Variants in SDK1 observed in about 807,000 individuals in gnomAD.
The protein encoded by SDK1 is sidekick cell adhesion molecule 1, also known as protein sidekick-1.
SDK1 carries 157 observed loss-of-function variants against 245.5 expected under a neutral mutation model. The observed-to-expected ratio is 0.64, with a 90% CI of 0.56 to 0.73. The LOEUF is 0.73. Among genes scored for constraint, SDK1 ranks in the 30% least tolerant of loss-of-function variants. SDK1 has a pLI of 0.00. For synonymous variants in SDK1, 1,647 were observed against 1,278.5 expected, an observed-to-expected ratio of 1.29 and a Z score of -6.15; for missense variants, 3,583 against 3,002.3, an observed-to-expected ratio of 1.19 and a Z score of -4.52.
intron 1 of SDK1, among the ~76,000 whole-genome samples, chr7:3,434,166 T>C (rs983340821): frequency 9.2e-5 from 14 of 152,230 alleles, no homozygotes; most frequent in South Asian, 2.1e-4. Flanking sequence ...TTTTTTCCTC[T>C]CTTTTTGAAG....
At chr7:3,624,332 T>A (rs1420035960) in intron 2 of SDK1, among the ~76,000 whole-genome samples, 1 of 152,150 alleles carries the variant, frequency 6.6e-6, no homozygotes, top group Non-Finnish European at 1.5e-5. Flanking sequence ...CTCAAGTAGC[T>A]GGGACCATGG....
intron 4 of SDK1, among the ~76,000 whole-genome samples, chr7:3,645,307 G>T (rs568686531): frequency 6.6e-6 from 1 of 152,122 alleles, no homozygotes; most frequent in African/African-American, 2.4e-5. Flanking sequence ...GGAAAATAAT[G>T]CAGTATACCA....
intron 1 of SDK1, among the ~76,000 whole-genome samples, chr7:3,471,660 A>G (rs189119659): frequency 3.3e-5 from 5 of 152,328 alleles, no homozygotes; most frequent in Admixed American, 1.3e-4. Context: ...CTTCAGATCC[A>G]TAGGCCAGCT....
intron 25 of SDK1, among the ~76,000 whole-genome samples, chr7:4,118,571 C>A (rs1351001275): frequency 6.6e-6 from 1 of 152,184 alleles, no homozygotes; most frequent in African/African-American, 2.4e-5. Context: ...CAACTCTACT[C>A]CTAGGTATGT....
Position 4,072,884 on chromosome 7 carries a change from G to A in SDK1, c.3011-4114G>A, listed in dbSNP as rs556707355. Among the ~76,000 whole-genome samples, 6 of 152,356 alleles carry A rather than the reference G, an allele frequency of 3.9e-5. No homozygotes were observed. In the South Asian group the frequency reaches 6.2e-4, roughly 16 times the overall value. ...GAGGCCTGGAATGAGAGGGAAGCACGGAGTAGGGGGCGGCTGCGCCTGCCC... is the reference window on the plus strand; with the variant it reads ...GAGGCCTGGAATGAGAGGGAAGCACAGAGTAGGGGGCGGCTGCGCCTGCCC... On this transcript the variant is annotated intron_variant, in intron 20 of 44. Transcript: ENST00000404826.
intron 33 of SDK1, among the ~76,000 whole-genome samples, chr7:4,174,843 A>G (rs1026801847): frequency 1.3e-5 from 2 of 152,074 alleles, no homozygotes; most frequent in African/African-American, 2.4e-5. Flanking sequence ...AGCTGCCTTC[A>G]AGACAGCTTC....
chr7:3,451,046 AG>A (rs1780497194), intron 1 of SDK1, among the ~76,000 whole-genome samples: 1 of 152,168 alleles, frequency 6.6e-6, no homozygotes, highest in African/African-American at 2.4e-5. Flanking sequence ...AGAGGTCATC[AG>A]TGGCTCAGGC....
chr7:3,575,966 G>T lies in SDK1; in HGVS notation c.299-43114G>T, dbSNP rs561372271. On this transcript the variant is annotated intron_variant, in intron 1 of 44. Transcript: ENST00000404826. ...CTTCCCCATGTGAGCCAGGTCACCAGTGATTGAATGGGCTTTCTGCTCTTG... is the reference window on the plus strand; with the variant it reads ...CTTCCCCATGTGAGCCAGGTCACCATTGATTGAATGGGCTTTCTGCTCTTG... Among the ~76,000 whole-genome samples, 8 of 152,138 alleles carry T rather than the reference G, an allele frequency of 5.3e-5. No individual in the cohort carries two copies. In the South Asian group the frequency reaches 1.7e-3, roughly 32 times the overall value.
chr7:4,033,188 G>A (rs568216493), intron 17 of SDK1, among the ~76,000 whole-genome samples: 24 of 152,138 alleles, frequency 1.6e-4, no homozygotes, highest in African/African-American at 5.5e-4. Flanking sequence ...TATAATAAAA[G>A]GACATCTTGA....
intron 38 of SDK1, among the ~76,000 whole-genome samples, chr7:4,214,049 A>C (rs941110902): frequency 2.0e-5 from 3 of 152,162 alleles, no homozygotes; most frequent in African/African-American, 7.2e-5. Context: ...TTGTGGCTGC[A>C]GCTTTTCTTC....
intron 5 of SDK1, among the ~76,000 whole-genome samples, chr7:3,938,901 C>A (rs1230262871): frequency 1.3e-5 from 2 of 152,152 alleles, no homozygotes; most frequent in Non-Finnish European, 2.9e-5. Flanking sequence ...TCTTTGTTAC[C>A]TTCCATTCAT....
intron 1 of SDK1, among the ~76,000 whole-genome samples, chr7:3,584,264 A>G (rs1780610675): frequency 6.6e-6 from 1 of 152,220 alleles, no homozygotes; most frequent in Middle Eastern, 3.4e-3. Context: ...GTATTTGACC[A>G]TGAGATCTAT....
chr7:3,422,730 C>G (rs896979107), intron 1 of SDK1, among the ~76,000 whole-genome samples: 1 of 152,106 alleles, frequency 6.6e-6, no homozygotes, highest in Non-Finnish European at 1.5e-5. Flanking sequence ...AGGAGTTGGG[C>G]TGGCGATAAA....
intron 4 of SDK1, among the ~76,000 whole-genome samples, chr7:3,804,043 C>A (rs2115038618): frequency 6.6e-6 from 1 of 152,326 alleles, no homozygotes. Context: ...GGATTACAGG[C>A]ATGAGCCACC....
intron 4 of SDK1, among the ~76,000 whole-genome samples, chr7:3,782,984 C>T (rs1419486367): frequency 1.3e-5 from 2 of 152,224 alleles, no homozygotes; most frequent in Admixed American, 1.3e-4. Flanking sequence ...AAAATACTAA[C>T]AAACTGAATT....
intron 3 of SDK1, among the ~76,000 whole-genome samples, chr7:3,639,801 TAATA>T (rs1330774709): frequency 6.6e-6 from 1 of 151,846 alleles, no homozygotes; most frequent in Non-Finnish European, 1.5e-5. Context: ...TGTGTATATA[TAATA>T]GAGACATAAC....
intron 1 of SDK1, among the ~76,000 whole-genome samples, chr7:3,387,685 A>G (rs2128568934): frequency 6.6e-6 from 1 of 152,344 alleles, no homozygotes; most frequent in East Asian, 1.9e-4. Flanking sequence ...TGTATGTAGT[A>G]TCACTGAACT....
intron 4 of SDK1, among the ~76,000 whole-genome samples, chr7:3,733,639 G>A (rs1197986441): frequency 6.6e-6 from 1 of 152,130 alleles, no homozygotes; most frequent in Non-Finnish European, 1.5e-5. Flanking sequence ...ACTTGGCTTT[G>A]TTTTTCTAGC....
chr7:3,474,419 C>T (rs143435767), intron 1 of SDK1, among the ~76,000 whole-genome samples: 432 of 151,980 alleles, frequency 2.8e-3, no homozygotes, highest in Non-Finnish European at 4.5e-3. Context: ...TTTAAAGACA[C>T]CTCACATCCC....
Sources: allele counts gnomAD v4.1 joint callset (sites outside exome capture counted in the v4.1 genomes callset), GRCh38; gene constraint gnomAD v4.1.1; transcripts MANE v1.5; gene names NCBI Gene and HGNC (gene_info 2026-07-23, HGNC 2026-07-21).